Variants in ACTR3C observed in about 807,000 individuals in gnomAD.
ACTR3C encodes actin-related protein 3C.
A neutral mutation model predicts 26.3 loss-of-function variants in ACTR3C; 18 were observed. That is an observed-to-expected ratio of 0.68 (90% confidence interval 0.47 to 1.01). ACTR3C has a LOEUF of 1.01. ACTR3C is among the 50% of genes least tolerant of loss of function. ACTR3C has a pLI of 0.00. For missense variants in ACTR3C, 184 were observed against 250.7 expected, an observed-to-expected ratio of 0.73 and a Z score of 1.80; for synonymous variants, 55 against 94.5, an observed-to-expected ratio of 0.58 and a Z score of 2.42.
At chr7:150,315,309 T>C (rs1796757184) in intron 1 of ACTR3C, among the ~76,000 whole-genome samples, 1 of 151,986 alleles carries the variant, frequency 6.6e-6, no homozygotes, top group Non-Finnish European at 1.5e-5. Context: ...TAAAACATGA[T>C]TAAGGTGGAA....
At chr7:150,075,643 G>T in the ACTR3C span, among the ~76,000 whole-genome samples, 3 of 152,290 alleles carry the variant, frequency 2.0e-5, no homozygotes, top group African/African-American at 7.2e-5. Flanking sequence ...TTTGGACACT[G>T]GCAAGCCTGT....
At chr7:150,080,742 G>T in the ACTR3C span, among the ~76,000 whole-genome samples, 1 of 152,088 alleles carries the variant, frequency 6.6e-6, no homozygotes, top group African/African-American at 2.4e-5. Flanking sequence ...GTGAATGAAG[G>T]TTCCATGGAC....
At chr7:149,929,964 A>C in the ACTR3C span, among the ~76,000 whole-genome samples, 4 of 152,204 alleles carry the variant, frequency 2.6e-5, no homozygotes, top group Non-Finnish European at 5.9e-5. Flanking sequence ...TTTCGATGGG[A>C]TGCACTAAGA....
At chr7:149,928,256 G>A in the ACTR3C span, among the ~76,000 whole-genome samples, 1 of 147,048 alleles carries the variant, frequency 6.8e-6, no homozygotes, top group Non-Finnish European at 1.5e-5. Context: ...GGAGTGCAGT[G>A]GCGCGATCTC....
chr7:150,147,236 GTA>G, the ACTR3C span, among the ~76,000 whole-genome samples: 2 of 152,146 alleles, frequency 1.3e-5, no homozygotes, highest in Non-Finnish European at 2.9e-5. Flanking sequence ...CAAAGAAGAT[GTA>G]ATTTTATATT....
chr7:150,038,633 G>T, the ACTR3C span, among the ~76,000 whole-genome samples: 21 of 145,522 alleles, frequency 1.4e-4, 3 homozygotes, highest in Non-Finnish European at 2.9e-4. Context: ...GCTGCGTTCG[G>T]ACCCGTCGGA....
chr7:150,193,834 AT>A, the ACTR3C span, among the ~76,000 whole-genome samples: 1 of 152,006 alleles, frequency 6.6e-6, no homozygotes, highest in South Asian at 2.1e-4. Context: ...GGCCCAGAAT[AT>A]AGTCTATCTT....
At chr7:150,115,360 C>A in the ACTR3C span, among the ~76,000 whole-genome samples, 1 of 152,146 alleles carries the variant, frequency 6.6e-6, no homozygotes, top group African/African-American at 2.4e-5. Context: ...TTGGGCCACC[C>A]GGGGAGCAAT....
chr7:149,918,343 G>A, the ACTR3C span, among the ~76,000 whole-genome samples: 2 of 151,932 alleles, frequency 1.3e-5, no homozygotes, highest in South Asian at 4.2e-4. Flanking sequence ...CTTTCCCAAA[G>A]CCCCACTAAA....
chr7:150,136,008 G>T, the ACTR3C span, among the ~76,000 whole-genome samples: 1 of 152,122 alleles, frequency 6.6e-6, no homozygotes, highest in African/African-American at 2.4e-5. Context: ...TCATGATGAA[G>T]AAATCACCAC....
At chr7:149,915,366 T>C in the ACTR3C span, among the ~76,000 whole-genome samples, 1 of 152,050 alleles carries the variant, frequency 6.6e-6, no homozygotes, top group Non-Finnish European at 1.5e-5. Flanking sequence ...GCAACAGCAA[T>C]AGAATGTTAC....
chr7:150,086,444 C>T, the ACTR3C span, among the ~76,000 whole-genome samples: 1 of 152,148 alleles, frequency 6.6e-6, no homozygotes, highest in Non-Finnish European at 1.5e-5. Flanking sequence ...AACTTTTGGG[C>T]TCAGTCAGAA....
chr7:150,035,228 G>T, the ACTR3C span, among the ~76,000 whole-genome samples: 1 of 114,986 alleles, frequency 8.7e-6, no homozygotes, highest in South Asian at 2.8e-4. Flanking sequence ...CTCTGCCATG[G>T]GGGTCCTAAG....
At chr7:150,322,147 A>T (rs1204555179) in intron 1 of ACTR3C, among the ~76,000 whole-genome samples, 3 of 152,224 alleles carry the variant, frequency 2.0e-5, no homozygotes, top group Non-Finnish European at 4.4e-5. Flanking sequence ...ATGCAGGCCC[A>T]GATGTTCTCT....
intron 4 of ACTR3C, among the ~76,000 whole-genome samples, chr7:150,286,813 C>G (rs1383836704): frequency 6.6e-6 from 1 of 151,566 alleles, no homozygotes; most frequent in Non-Finnish European, 1.5e-5. Flanking sequence ...GCTATCATAT[C>G]TGAAATGATG....
intron 1 of ACTR3C, among the ~76,000 whole-genome samples, chr7:150,308,183 C>G (rs547467246): frequency 6.6e-6 from 1 of 152,230 alleles, no homozygotes; most frequent in South Asian, 2.1e-4. Flanking sequence ...CAAGTACCAC[C>G]CCCCTCTCTT....
chr7:150,223,479 TTTG>T, the ACTR3C span, among the ~76,000 whole-genome samples: 1 of 98,202 alleles, frequency 1.0e-5, no homozygotes, highest in Non-Finnish European at 1.8e-5. Context: ...GCAGGGTTTT[TTTG>T]TTTGTTTGTT....
At chr7:150,241,137 T>A (rs1458064227), downstream of ACTR3C, among the ~76,000 whole-genome samples, 2 of 152,072 alleles carry the variant, frequency 1.3e-5, no homozygotes, top group Admixed American at 1.3e-4. Context: ...AATTGTCATA[T>A]AAATTGATAC....
the ACTR3C span, among the ~76,000 whole-genome samples, chr7:150,044,052 A>G: frequency 6.6e-6 from 1 of 152,194 alleles, no homozygotes; most frequent in Non-Finnish European, 1.5e-5. Context: ...GCTGCTTTAA[A>G]ATCCTGTTGT....
Sources: gnomAD v4.1 joint callset for allele counts (sites outside exome capture counted in the v4.1 genomes callset) on GRCh38, gnomAD v4.1.1 for gene constraint, MANE v1.5 for transcripts, NCBI Gene and HGNC (gene_info 2026-07-23, HGNC 2026-07-21) for gene names.